EYS: variants seen among roughly 807,000 people sequenced by gnomAD.
The protein encoded by EYS is EGF-like photoreceptor maintenance factor, also known as protein eyes shut homolog.
EYS carries 250 observed loss-of-function variants against 282.1 expected under a neutral mutation model. The observed-to-expected ratio is 0.89, with a 90% confidence interval of 0.80 to 0.98. EYS has a LOEUF of 0.98. EYS is among the 50% of genes least tolerant of loss of function. The probability of loss-of-function intolerance (pLI) is 0.00; values close to 1 mark genes in which losing one functional copy is unlikely to be tolerated. For synonymous variants in EYS, 1,355 were observed against 1,282.9 expected (o/e 1.06, Z -1.20); for missense variants, 4,016 against 3,709.0 (o/e 1.08, Z -2.15).
intron 35 of EYS, among the ~76,000 whole-genome samples, chr6:63,910,831 C>T (rs551676101): frequency 1.3e-5 from 2 of 151,794 alleles, no homozygotes; most frequent in South Asian, 4.2e-4. Flanking sequence ...AGAAGTTTTC[C>T]ACTATTATTT....
chr6:65,602,456 A>C (rs983875295), intron 2 of EYS, among the ~76,000 whole-genome samples: 1 of 151,964 alleles, frequency 6.6e-6, no homozygotes, highest in African/African-American at 2.4e-5. Context: ...ATAATGTATA[A>C]TTCCACAAAT....
chr6:64,807,762 A>G (rs1293060300), intron 22 of EYS, among the ~76,000 whole-genome samples: 2 of 152,170 alleles, frequency 1.3e-5, no homozygotes, highest in Non-Finnish European at 2.9e-5. Context: ...ATAGAATGAT[A>G]TGTTACTACA....
chr6:64,229,747 A>G (rs1766363054), intron 31 of EYS, among the ~76,000 whole-genome samples: 1 of 152,166 alleles, frequency 6.6e-6, no homozygotes, highest in Non-Finnish European at 1.5e-5. Context: ...ATGCACATAC[A>G]TACACATACA....
chr6:64,747,478 T>C (rs6942349), intron 22 of EYS, among the ~76,000 whole-genome samples: 15,299 of 152,190 alleles, frequency 0.1, 1,016 homozygotes, highest in East Asian at 0.24. Context: ...CGGTCCTGGT[T>C]CAAGCAATTC....
intron 19 of EYS, among the ~76,000 whole-genome samples, chr6:64,861,456 C>T (rs940329041): frequency 6.6e-6 from 1 of 152,128 alleles, no homozygotes; most frequent in Admixed American, 6.5e-5. Flanking sequence ...TGCCCGGGTC[C>T]ACAGCCATGG....
chr6:64,590,814 A>C lies in EYS; in HGVS notation c.5053T>G (p.Ser1685Ala), dbSNP rs759642068. ...GACAGTTCATCAGTAGTCATTTTTG[A>C]AGTCAAATCAGAATTCATCAAGTCT... The part of the protein sequence containing the change: ...SSDLMNSDLT[S>A]KMTTDELSVS... Residue 1685 changes from serine to alanine, a missense_variant, in exon 26 of 43, where the codon TCA becomes GCA. Physicochemically the swap from Ser to Ala is moderately conservative, Grantham distance 99. Transcript: ENST00000503581. 160 of 1,549,994 alleles carry C rather than the reference A, an allele frequency of 1.0e-4. No individual in the cohort carries two copies. Among genetic ancestry groups the C allele is most frequent in the Non-Finnish European group, 1.1e-4 (129 of 1,146,140 alleles).
intron 13 of EYS, among the ~76,000 whole-genome samples, chr6:65,028,528 A>G (rs57361688): frequency 0.013 from 2,053 of 152,082 alleles, 54 homozygotes; most frequent in African/African-American, 0.047. Flanking sequence ...CTGAGAGTAG[A>G]TTTTTAGTAT....
intron 26 of EYS, among the ~76,000 whole-genome samples, chr6:64,452,180 G>T (rs1329592206): frequency 6.6e-6 from 1 of 152,226 alleles, no homozygotes; most frequent in East Asian, 1.9e-4. Context: ...CAAAATCAAT[G>T]TGCAAAAATC....
At chr6:64,956,872 A>T (rs1769724068) in intron 14 of EYS, among the ~76,000 whole-genome samples, 1 of 152,176 alleles carries the variant, frequency 6.6e-6, no homozygotes, top group African/African-American at 2.4e-5. Flanking sequence ...AATGCACATC[A>T]AACAATGAGA....
intron 28 of EYS, among the ~76,000 whole-genome samples, chr6:64,391,790 G>A (rs1186117732): frequency 2.6e-5 from 4 of 152,110 alleles, no homozygotes; most frequent in Non-Finnish European, 4.4e-5. Context: ...AACTTTAAAT[G>A]TAAATGGGCT....
At chr6:64,680,721 C>G (rs113461467) in intron 22 of EYS, among the ~76,000 whole-genome samples, 2 of 152,044 alleles carry the variant, frequency 1.3e-5, no homozygotes, top group Admixed American at 1.3e-4. Flanking sequence ...ATGTGGAGAC[C>G]GATTACCTTA....
intron 5 of EYS, among the ~76,000 whole-genome samples, chr6:65,440,974 GTA>G (rs1202236490): frequency 4.9e-5 from 7 of 143,976 alleles, no homozygotes; most frequent in Non-Finnish European, 6.1e-5. Flanking sequence ...TTTAAACAGT[GTA>G]TATATATATC....
chr6:65,251,456 CA>C (rs5876955), intron 12 of EYS, among the ~76,000 whole-genome samples: 7 of 146,798 alleles, frequency 4.8e-5, no homozygotes, highest in South Asian at 2.1e-4. Flanking sequence ...GATTTCCAAA[CA>C]AAAAAAAACA....
At chr6:65,427,062 A>T (rs952428158) in intron 5 of EYS, among the ~76,000 whole-genome samples, 2 of 152,012 alleles carry the variant, frequency 1.3e-5, no homozygotes, top group Admixed American at 1.3e-4. Flanking sequence ...AGTCTTCTCT[A>T]TTATAACCTT....
chr6:65,213,133 A>C (rs1277424232), intron 12 of EYS, among the ~76,000 whole-genome samples: 1 of 152,062 alleles, frequency 6.6e-6, no homozygotes, highest in Non-Finnish European at 1.5e-5. Context: ...TTTGCATGTG[A>C]TGCTGATAAA....
intron 2 of EYS, among the ~76,000 whole-genome samples, chr6:65,526,217 T>A (rs7742748): frequency 0.39 from 59,753 of 151,970 alleles, 12,707 homozygotes; most frequent in African/African-American, 0.56. Context: ...TATCTTCCAA[T>A]GGCATCAAAT....
intron 36 of EYS, among the ~76,000 whole-genome samples, chr6:63,842,015 C>T (rs1771974259): frequency 6.6e-6 from 1 of 152,148 alleles, no homozygotes; most frequent in East Asian, 1.9e-4. Context: ...CATTGATGGG[C>T]ATTCAGGTTG....
chr6:64,072,504 T>C (rs945388284), intron 32 of EYS, among the ~76,000 whole-genome samples: 5 of 151,916 alleles, frequency 3.3e-5, no homozygotes, highest in African/African-American at 4.8e-5. Context: ...TATTCTTGAC[T>C]TTTTTTCTGG....
chr6:64,627,909 C>A (rs1359355898), intron 22 of EYS, among the ~76,000 whole-genome samples: 2 of 152,106 alleles, frequency 1.3e-5, no homozygotes, highest in African/African-American at 4.8e-5. Context: ...GAAACCCAAT[C>A]TCTACTAAAA....
Sources: gnomAD v4.1 joint callset for allele counts (sites outside exome capture counted in the v4.1 genomes callset) on GRCh38, gnomAD v4.1.1 for gene constraint, MANE v1.5 for transcripts, NCBI Gene and HGNC (gene_info 2026-07-23, HGNC 2026-07-21) for gene names.